CNTNAP2: variants seen among roughly 807,000 people sequenced by gnomAD.
The protein encoded by CNTNAP2 is contactin-associated protein-like 2.
Under a neutral mutation model 155.2 loss-of-function variants are expected in CNTNAP2, and 98 were observed. The ratio of observed to expected loss-of-function variants is 0.63; its 90% confidence interval spans 0.54 to 0.75. The LOEUF (loss-of-function observed/expected upper bound fraction) is 0.75, where lower values mean the gene tolerates loss of function less well. Among genes scored for constraint, CNTNAP2 ranks in the 30% least tolerant of loss-of-function variants. CNTNAP2 has a pLI of 0.00. For synonymous variants in CNTNAP2, 651 were observed against 631.2 expected (o/e 1.03, Z -0.47); for missense variants, 1,727 against 1,688.1 (o/e 1.02, Z -0.40).
Position 148,319,102 on chromosome 7 carries a change from G to A in CNTNAP2, c.3475+51976G>A, listed in dbSNP as rs116828584. Among the ~76,000 whole-genome samples the A allele has an allele frequency of 5.7e-3, 875 of 152,322 alleles. 11 individuals carry two copies. Among genetic ancestry groups the A allele is most frequent in the African/African-American group, 0.02 (834 of 41,558 alleles). ...TTGTCAATGTAGGCCATTTGTCCAT[G>A]AGTGGAGTGACTGATAAATCAGCTA... On this transcript the variant is annotated intron_variant, in intron 21 of 23. Transcript: ENST00000361727.
At chr7:146,298,241 T>C (rs1208177111) in intron 1 of CNTNAP2, among the ~76,000 whole-genome samples, 3 of 152,216 alleles carry the variant, frequency 2.0e-5, no homozygotes, top group African/African-American at 7.2e-5. Context: ...CTTGCTATTA[T>C]TGAGTTATTG....
chr7:147,568,572 A>C (rs373477228), intron 12 of CNTNAP2, among the ~76,000 whole-genome samples: 97 of 152,306 alleles, frequency 6.4e-4, no homozygotes, highest in African/African-American at 2.2e-3. Context: ...GGTACATGAT[A>C]AAATGTGATC....
intron 13 of CNTNAP2, among the ~76,000 whole-genome samples, chr7:147,855,887 C>A (rs370487110): frequency 6.6e-6 from 1 of 152,086 alleles, no homozygotes; most frequent in Admixed American, 6.5e-5. Context: ...CTGCCCATGT[C>A]GATTTGAACA....
intron 13 of CNTNAP2, among the ~76,000 whole-genome samples, chr7:147,666,028 A>G (rs1795688162): frequency 6.6e-6 from 1 of 152,210 alleles, no homozygotes; most frequent in Admixed American, 6.5e-5. Context: ...TGAGTATGTC[A>G]TAACACTACC....
intron 1 of CNTNAP2, among the ~76,000 whole-genome samples, chr7:146,327,639 T>C (rs1801119135): frequency 6.6e-6 from 1 of 152,232 alleles, no homozygotes; most frequent in Non-Finnish European, 1.5e-5. Flanking sequence ...TGAAGGTCAA[T>C]TTTTATGGTG....
rs142418305 is a variant in CNTNAP2 at position 146,185,904 on chromosome 7, T to C, written c.97+68931T>C. On this transcript the variant is annotated intron_variant, in intron 1 of 23. Coordinates refer to ENST00000361727, the MANE Select transcript of CNTNAP2 (RefSeq NM_014141.6). The stretch of plus-strand genomic sequence containing the variant: ...TCTGTCTGGAGTATGTCCTCAGATA[T>C]AAATTTTTAAGATAAAAGTCAGTAA... Among the ~76,000 whole-genome samples the C allele has an allele frequency of 5.3e-3, 810 of 152,168 alleles. 6 individuals carry two copies. Among genetic ancestry groups the C allele is most frequent in the African/African-American group, 0.018 (754 of 41,526 alleles).
chr7:146,211,455 A>G (rs909374293), intron 1 of CNTNAP2, among the ~76,000 whole-genome samples: 4 of 152,166 alleles, frequency 2.6e-5, no homozygotes, highest in African/African-American at 4.8e-5. Flanking sequence ...AGGTGACATT[A>G]TTCTTTTAAT....
chr7:148,180,012 G>A (rs537047317), intron 18 of CNTNAP2, among the ~76,000 whole-genome samples: 15 of 152,302 alleles, frequency 9.8e-5, no homozygotes, highest in East Asian at 3.9e-4. Flanking sequence ...TTTTAGAGCA[G>A]GTTGGAGAGA....
chr7:146,946,170 TTCTC>T (rs374543073), intron 3 of CNTNAP2, among the ~76,000 whole-genome samples: 1 of 149,884 alleles, frequency 6.7e-6, no homozygotes, highest in Non-Finnish European at 1.5e-5. Context: ...TCCCTTTTCT[TTCTC>T]TCTCTCTCTC....
chr7:146,919,727 C>G (rs1796460951), intron 3 of CNTNAP2, among the ~76,000 whole-genome samples: 1 of 152,174 alleles, frequency 6.6e-6, no homozygotes, highest in Non-Finnish European at 1.5e-5. Context: ...GAGGATCAGG[C>G]AGTGGGCGGG....
intron 15 of CNTNAP2, among the ~76,000 whole-genome samples, chr7:148,106,084 G>A (rs1284245972): frequency 1.3e-5 from 2 of 152,272 alleles, no homozygotes; most frequent in Admixed American, 6.5e-5. Flanking sequence ...TCAGGCCTTG[G>A]GGATTGACTG....
At chr7:146,306,482 A>G (rs1800715061) in intron 1 of CNTNAP2, among the ~76,000 whole-genome samples, 1 of 152,202 alleles carries the variant, frequency 6.6e-6, no homozygotes, top group Admixed American at 6.5e-5. Flanking sequence ...ATGAACATTG[A>G]TGCAAAAATC....
At chr7:147,679,106 T>C (rs1795911842) in intron 13 of CNTNAP2, among the ~76,000 whole-genome samples, 1 of 151,922 alleles carries the variant, frequency 6.6e-6, no homozygotes, top group African/African-American at 2.4e-5. Context: ...TCTGGTGACT[T>C]ATCCGTCTTT....
chr7:147,982,729 A>G (rs895937448), intron 15 of CNTNAP2, among the ~76,000 whole-genome samples: 15 of 152,112 alleles, frequency 9.9e-5, no homozygotes, highest in African/African-American at 3.6e-4. Flanking sequence ...GACAGGAGAG[A>G]TAAGATGGCC....
intron 1 of CNTNAP2, among the ~76,000 whole-genome samples, chr7:146,201,263 C>G (rs1353631124): frequency 1.3e-5 from 2 of 152,080 alleles, no homozygotes; most frequent in Non-Finnish European, 2.9e-5. Flanking sequence ...TCTGAACTTT[C>G]TGGGGGAGAA....
chr7:147,129,947 A>G (rs1361429583), intron 7 of CNTNAP2, among the ~76,000 whole-genome samples: 1 of 152,212 alleles, frequency 6.6e-6, no homozygotes, highest in African/African-American at 2.4e-5. Context: ...AGCTCCATTT[A>G]TAGGCAACAG....
At chr7:147,408,121 T>C (rs1301804414) in intron 10 of CNTNAP2, among the ~76,000 whole-genome samples, 2 of 152,234 alleles carry the variant, frequency 1.3e-5, no homozygotes, top group African/African-American at 2.4e-5. Context: ...TGTAAACTTA[T>C]GGATTCTACT....
chr7:146,717,134 C>T (rs1190720189), intron 1 of CNTNAP2, among the ~76,000 whole-genome samples: 3 of 152,026 alleles, frequency 2.0e-5, no homozygotes, highest in Non-Finnish European at 4.4e-5. Context: ...TTATGCCTGG[C>T]AGCATATTAT....
chr7:146,856,261 T>TACAG (rs1447280047), intron 3 of CNTNAP2, among the ~76,000 whole-genome samples: 1 of 135,198 alleles, frequency 7.4e-6, no homozygotes, highest in Non-Finnish European at 1.6e-5. Context: ...AGATGATAGA[T>TACAG]ATAGATAGAT....
Sources: gnomAD v4.1 joint callset for allele counts (sites outside exome capture counted in the v4.1 genomes callset) on GRCh38, gnomAD v4.1.1 for gene constraint, MANE v1.5 for transcripts, NCBI Gene and HGNC (gene_info 2026-07-23, HGNC 2026-07-21) for gene names.